The following PTPRG variants were observed in gnomAD, a reference collection of about 807,000 sequenced individuals.
PTPRG encodes the protein protein tyrosine phosphatase receptor type G, also known as receptor-type tyrosine-protein phosphatase gamma.
In PTPRG, 102 loss-of-function variants were observed where a neutral mutation model predicts 165.3. That is an observed-to-expected ratio of 0.62 (90% CI 0.53 to 0.73). The LOEUF (loss-of-function observed/expected upper bound fraction) is 0.73. PTPRG is among the 30% of genes least tolerant of loss of function. PTPRG has a pLI of 0.00. For missense variants in PTPRG, 1,866 were observed against 1,861.4 expected, an observed-to-expected ratio of 1.00 and a Z score of -0.05; for synonymous variants, 675 against 669.5, an observed-to-expected ratio of 1.01 and a Z score of -0.13.
intron 2 of PTPRG, among the ~76,000 whole-genome samples, chr3:61,958,599 G>C (rs1416960107): frequency 1.3e-5 from 2 of 152,074 alleles, no homozygotes; most frequent in East Asian, 3.8e-4. Context: ...CATAGTTACA[G>C]GTTTTTTCTT....
intron 5 of PTPRG, among the ~76,000 whole-genome samples, chr3:62,093,113 G>A (rs756540176): frequency 6.6e-6 from 1 of 152,120 alleles, no homozygotes; most frequent in Non-Finnish European, 1.5e-5. Context: ...CCTGAACATC[G>A]GTATTTTTAA....
chr3:61,777,729 A>G (rs961816346), intron 2 of PTPRG, among the ~76,000 whole-genome samples: 7 of 152,178 alleles, frequency 4.6e-5, no homozygotes, highest in Non-Finnish European at 1.0e-4. Flanking sequence ...CGTGACAAGA[A>G]CATATTTTAT....
At chr3:62,286,076 G>A (rs920258480) in intron 28 of PTPRG, among the ~76,000 whole-genome samples, 1 of 152,056 alleles carries the variant, frequency 6.6e-6, no homozygotes, top group African/African-American at 2.4e-5. Flanking sequence ...AGTAAATATT[G>A]ACATATACAG....
chr3:61,572,578 A>G (rs551229273), intron 1 of PTPRG, among the ~76,000 whole-genome samples: 2 of 152,342 alleles, frequency 1.3e-5, no homozygotes, highest in South Asian at 4.1e-4. Flanking sequence ...TTTTGCATTC[A>G]TGCCATCAAC....
rs746545159 is a variant in PTPRG at position 62,191,582 on chromosome 3, A to T, written c.1147A>T (p.Ile383Phe). 5.0e-6 allele frequency: 8 copies of T among 1,613,976 alleles called. No homozygotes were observed. The highest frequency in any genetic ancestry group is 5.9e-6 in the Non-Finnish European group (7 of 1,180,004). Residue 383 changes from isoleucine (I) to phenylalanine (F), a missense_variant, in exon 9 of 30, where the codon ATC (isoleucine) becomes TTC (phenylalanine). By Grantham distance (21) the Ile-to-Phe change is conservative. This residue lies in a region of PTPRG where 1,452 missense variants were observed against 1,463.0 expected (regional missense o/e 0.99). Coordinates refer to ENST00000474889, the MANE Select transcript of PTPRG (RefSeq NM_002841.4). ...CCACCCACCCATCATGAACTACATG[A>T]TCTCCTACAGCTGGACCAAGAATGA... is the stretch of plus-strand genomic sequence containing the variant. ...IYHPPIMNYM[I>F]SYSWTKNEDE...
At chr3:62,017,231 AT>A (rs1205099175) in intron 4 of PTPRG, among the ~76,000 whole-genome samples, 9 of 152,168 alleles carry the variant, frequency 5.9e-5, no homozygotes, top group Non-Finnish European at 1.2e-4. Flanking sequence ...AGAAACTCTA[AT>A]TCCTGAGAAT....
At position 62,168,114 on chromosome 3, in the gene PTPRG, C is replaced by G. The variant is rs747299296; in HGVS notation, c.984C>G (p.His328Gln). 3 of 1,613,900 alleles carry G rather than the reference C, an allele frequency of 1.9e-6. No homozygotes were observed. The highest frequency in any genetic ancestry group is 2.7e-5 in the African/African-American group (2 of 74,872). ...SKSAVRDSWN[H>Q]DMTDFLENPL... ...CCGCCGTCCGTGACTCCTGGAACCA[C>G]GACATGACAGACTTCTTAGAAAACC... is the stretch of plus-strand genomic sequence containing the variant. The change falls in exon 8 of 30, where the codon CAC becomes CAG. Residue 328 changes from histidine (H) to glutamine (Q), a missense_variant. By Grantham distance (24) the His-to-Gln change is conservative. Transcript: ENST00000474889.
intron 2 of PTPRG, among the ~76,000 whole-genome samples, chr3:61,858,454 A>G (rs1283455829): frequency 6.6e-6 from 1 of 152,220 alleles, no homozygotes; most frequent in East Asian, 1.9e-4. Flanking sequence ...TTTGCTTTGC[A>G]AAACAAACCT....
At chr3:61,634,529 G>T (rs1299962847) in intron 1 of PTPRG, among the ~76,000 whole-genome samples, 1 of 151,858 alleles carries the variant, frequency 6.6e-6, no homozygotes, top group Non-Finnish European at 1.5e-5. Context: ...GTGAGCCACC[G>T]TGCCCGGCTG....
At chr3:62,244,023 C>T in intron 15 of PTPRG, 125 bp downstream of exon 15, 1 of 587,274 alleles carries the variant, frequency 1.7e-6, no homozygotes, top group Non-Finnish European at 3.0e-6. Flanking sequence ...AAGAAATTCT[C>T]TTTAGAAGAA....
At chr3:62,287,531 A>G (rs981410309) in intron 28 of PTPRG, among the ~76,000 whole-genome samples, 1 of 152,186 alleles carries the variant, frequency 6.6e-6, no homozygotes, top group African/African-American at 2.4e-5. Context: ...AAAAGATAGG[A>G]TACTAGTGGA....
At chr3:62,275,483 G>T (rs1315691690) in intron 23 of PTPRG, among the ~76,000 whole-genome samples, 3 of 152,148 alleles carry the variant, frequency 2.0e-5, no homozygotes, top group Non-Finnish European at 4.4e-5. Context: ...ATACAATCAA[G>T]GTCACTGAGA....
chr3:61,923,431 A>G (rs539018731), intron 2 of PTPRG, among the ~76,000 whole-genome samples: 1 of 151,978 alleles, frequency 6.6e-6, no homozygotes, highest in East Asian at 1.9e-4. Context: ...TTATACTTCA[A>G]GTTTTAGGGT....
At position 62,294,098 on chromosome 3, in the gene PTPRG, C is replaced by G. The variant is rs1702987918; in HGVS notation, c.*791C>G. ...ATCCTAAAATCAGGGCTATCTTTAACAATAGCAAGATAGCAATATTATATA... is the reference window on the plus strand; with the variant it reads ...ATCCTAAAATCAGGGCTATCTTTAAGAATAGCAAGATAGCAATATTATATA... On this transcript the variant is annotated 3_prime_UTR_variant, in exon 30 of 30. Coordinates refer to ENST00000474889, the MANE Select transcript of PTPRG (RefSeq NM_002841.4). The G allele has an allele frequency of 6.6e-6, 1 of 152,216 alleles. No homozygotes were observed. Among genetic ancestry groups the G allele is most frequent in the Non-Finnish European group, 1.5e-5 (1 of 67,972 alleles). The allele number at this position is 152,216 out of a possible 1,614,324, so 9.4% of individuals were successfully genotyped here.
At chr3:61,918,362 G>GTA (rs143655937) in intron 2 of PTPRG, among the ~76,000 whole-genome samples, 2,167 of 151,116 alleles carry the variant, frequency 0.014, 41 homozygotes, top group African/African-American at 0.045. Flanking sequence ...TGGGAAATAT[G>GTA]TATATATATA....
At chr3:61,693,367 C>T (rs1002103752) in intron 1 of PTPRG, among the ~76,000 whole-genome samples, 5 of 152,198 alleles carry the variant, frequency 3.3e-5, no homozygotes, top group African/African-American at 7.2e-5. Flanking sequence ...GAACTTGGCA[C>T]GATATTCCTT....
At chr3:61,718,934 G>GACATTGAA (rs11282191) in intron 1 of PTPRG, among the ~76,000 whole-genome samples, 7,175 of 152,094 alleles carry the variant, frequency 0.047, 460 homozygotes, top group African/African-American at 0.14. Context: ...ATAAACAATC[G>GACATTGAA]ACATTGAATT....
intron 1 of PTPRG, among the ~76,000 whole-genome samples, chr3:61,606,833 G>A (rs1386529457): frequency 6.6e-6 from 1 of 152,130 alleles, no homozygotes; most frequent in African/African-American, 2.4e-5. Flanking sequence ...CACCTCTTAA[G>A]GGCCCTAACT....
At chr3:61,840,296 A>G (rs909221474) in intron 2 of PTPRG, among the ~76,000 whole-genome samples, 1 of 150,334 alleles carries the variant, frequency 6.7e-6, no homozygotes, top group African/African-American at 2.5e-5. Context: ...TTCTGTCTGA[A>G]TATCCAGGAC....
Sources: gnomAD v4.1 joint callset for allele counts (sites outside exome capture counted in the v4.1 genomes callset) on GRCh38, gnomAD v4.1.1 for gene constraint, gnomAD v4.1.1 regional missense constraint, MANE v1.5 for transcripts, NCBI Gene and HGNC (gene_info 2026-07-23, HGNC 2026-07-21) for gene names.